The following MS4A8 variants were observed in gnomAD, a reference collection of about 807,000 sequenced individuals.
MS4A8 encodes membrane spanning 4-domains A8.
MS4A8 carries 27 observed loss-of-function variants against 23.7 expected under a neutral mutation model. The observed-to-expected ratio is 1.14, with a 90% CI of 0.84 to 1.57. MS4A8 has a LOEUF of 1.57. Ranked by LOEUF, MS4A8 falls within the 40% of genes most tolerant of loss-of-function variation. The probability of loss-of-function intolerance (pLI) is 0.00; values close to 1 mark genes in which losing one functional copy is unlikely to be tolerated. For missense variants in MS4A8, 301 were observed against 311.4 expected (o/e 0.97, Z 0.25); for synonymous variants, 138 against 126.3 (o/e 1.09, Z -0.62).
intron 5 of MS4A8, chr11:60,712,623 A>C (rs1363649497): frequency 1.6e-5 from 6 of 384,798 alleles, no homozygotes. Context: ...GCGAAATCCC[A>C]TCTATACAAA....
chr11:60,708,697 A>G lies in MS4A8; in HGVS notation c.450A>G (p.Ala150=), dbSNP rs1404460583. The G allele has an allele frequency of 6.2e-7, 1 of 1,601,094 alleles. No individual in the cohort carries two copies. The highest frequency in any genetic ancestry group is 1.7e-5 in the Admixed American group (1 of 57,866). The change falls in exon 5 of 7, where the codon GCA becomes GCG. Residue 150 remains alanine (A), a synonymous_variant. Transcript: ENST00000300226. ...ACATCGTCAGTGCAATCTGCTCTGCAGTTGGAGTCATACTCTTCATCACAG... is the reference window on the plus strand; with the variant it reads ...ACATCGTCAGTGCAATCTGCTCTGCGGTTGGAGTCATACTCTTCATCACAG... The part of the protein sequence containing the change: ...GLNIVSAICS[A]VGVILFITDL...
intron 5 of MS4A8, among the ~76,000 whole-genome samples, chr11:60,713,008 G>C (rs540173542): frequency 2.6e-3 from 391 of 152,130 alleles, no homozygotes; most frequent in South Asian, 0.015. Flanking sequence ...GCAAATGGAG[G>C]GTTTCTATTT....
chr11:60,714,409 T>C (rs994618379), intron 5 of MS4A8, among the ~76,000 whole-genome samples: 18 of 152,162 alleles, frequency 1.2e-4, no homozygotes, highest in African/African-American at 4.1e-4. Flanking sequence ...CAGAACAAAA[T>C]GGAGTCTCCT....
intron 2 of MS4A8, among the ~76,000 whole-genome samples, chr11:60,702,514 C>T (rs1009023812): frequency 6.6e-6 from 1 of 152,184 alleles, no homozygotes; most frequent in Non-Finnish European, 1.5e-5. Context: ...GCGATTCTCC[C>T]GCCTCAGCCT....
intron 2 of MS4A8, among the ~76,000 whole-genome samples, chr11:60,701,929 C>A (rs572551220): frequency 1.3e-5 from 2 of 152,240 alleles, no homozygotes; most frequent in South Asian, 4.1e-4. Flanking sequence ...AACAAGAAAG[C>A]TCTTTGTGTA....
intron 3 of MS4A8, among the ~76,000 whole-genome samples, chr11:60,704,311 AGATTTCACCAC>A (rs1241340418): frequency 6.6e-6 from 1 of 151,686 alleles, no homozygotes; most frequent in African/African-American, 2.4e-5. Context: ...AGTAGTGACA[AGATTTCACCAC>A]GTTGGCCAGG....
chr11:60,700,325 C>T lies in MS4A8; in HGVS notation c.-1-535C>T, dbSNP rs188139952. On this transcript the variant is annotated intron_variant, in intron 1 of 6. Transcript: ENST00000300226. ...CTTTGGGAGGCCGAGGCAAGCGGAT[C>T]GCCTGAGGTCAGGAGTTCGAGACCA... is the stretch of plus-strand genomic sequence containing the variant. Among the ~76,000 whole-genome samples the T allele has an allele frequency of 6.3e-3, 952 of 152,284 alleles. 3 individuals are homozygous for T. The highest frequency in any genetic ancestry group is 8.5e-3 in the Non-Finnish European group (579 of 68,034).
intron 5 of MS4A8, among the ~76,000 whole-genome samples, chr11:60,712,958 C>T (rs1355638896): frequency 3.3e-5 from 5 of 152,120 alleles, no homozygotes; most frequent in African/African-American, 1.2e-4. Context: ...TTCCCAGATA[C>T]ACTGGAAGAC....
At chr11:60,708,868 A>C in intron 5 of MS4A8, 87 bp downstream of exon 5, 1 of 1,493,850 alleles carries the variant, frequency 6.7e-7, no homozygotes, top group Non-Finnish European at 9.3e-7. Context: ...CAACCAAGCT[A>C]CCTCACTGAA....
At chr11:60,711,121 A>C (rs1055703965) in intron 5 of MS4A8, among the ~76,000 whole-genome samples, 9 of 152,230 alleles carry the variant, frequency 5.9e-5, no homozygotes, top group Admixed American at 3.9e-4. Flanking sequence ...GCCTGTCCCT[A>C]GAATGAGATT....
intron 2 of MS4A8, chr11:60,701,439 C>T (rs933328951): frequency 2.5e-6 from 1 of 398,228 alleles, no homozygotes; most frequent in South Asian, 1.9e-5. Context: ...CCAATAAGAT[C>T]GAATCAAATA....
chr11:60,708,829 C>T, intron 5 of MS4A8, 48 bp downstream of exon 5: 1 of 1,607,852 alleles, frequency 6.2e-7, no homozygotes, highest in Non-Finnish European at 8.5e-7. Flanking sequence ...GAATTAGCTA[C>T]ATTTAGAAAA....
intron 5 of MS4A8, chr11:60,712,518 T>A: frequency 2.1e-6 from 2 of 936,244 alleles, no homozygotes; most frequent in Non-Finnish European, 2.5e-6. Flanking sequence ...TTGAGGCCGG[T>A]CACGGTGGCT....
intron 2 of MS4A8, among the ~76,000 whole-genome samples, chr11:60,702,442 A>T (rs780186181): frequency 6.6e-6 from 1 of 152,194 alleles, no homozygotes; most frequent in Non-Finnish European, 1.5e-5. Context: ...TCACTCTGTC[A>T]CCCAGGCTGG....
chr11:60,713,179 G>C lies in MS4A8; in HGVS notation c.535-1842G>C, dbSNP rs189249510. 1.3e-4 allele frequency among the ~76,000 whole-genome samples: 19 copies of C among 149,794 alleles called. No individual in the cohort carries two copies. The East Asian group carries it at 3.7e-3, about 29-fold the overall frequency. ...TTCAGAGGCTGACATTTTCCCAAAG[G>C]TTCAGATGAAGGGGTGGGTTGCCCC... On this transcript the variant is annotated intron_variant, in intron 5 of 6. Transcript: ENST00000300226.
rs2088199223 is a variant in MS4A8, at chr11:60,701,004, G to A, written c.144G>A (p.Gly48=). Residue 48 remains glycine (G), a synonymous_variant, in exon 2 of 7, where the codon GGG becomes GGA. Transcript: ENST00000300226. ...NSQPQVHLVP[G]NPPSLVSNVN... is the part of the protein sequence containing the mutation. Reference sequence around the variant, plus strand: ...AGCCGCAAGTCCACCTAGTTCCTGGGAACCCACCTAGTTTGGTGTCGAATG... The same window carrying A: ...AGCCGCAAGTCCACCTAGTTCCTGGAAACCCACCTAGTTTGGTGTCGAATG... 5 of 1,614,186 alleles carry A rather than the reference G, an allele frequency of 3.1e-6. No homozygotes were observed. The East Asian group carries it at 1.1e-4, about 36-fold the overall frequency.
intron 2 of MS4A8, 119 bp downstream of exon 2, chr11:60,701,198 G>A (rs1340623605): frequency 1.1e-5 from 10 of 917,954 alleles, no homozygotes; most frequent in Middle Eastern, 2.1e-4. Flanking sequence ...AGTTGATCGC[G>A]CCTTGCCAAG....
intron 4 of MS4A8, among the ~76,000 whole-genome samples, chr11:60,708,020 G>A (rs1293438829): frequency 6.6e-6 from 1 of 151,308 alleles, no homozygotes; most frequent in Admixed American, 6.6e-5. Context: ...TGTATTTTTT[G>A]GTATTTTGGT....
intron 4 of MS4A8, among the ~76,000 whole-genome samples, chr11:60,707,999 ATTGTATTTT>A (rs887837365): frequency 1.9e-3 from 285 of 151,186 alleles, no homozygotes; most frequent in African/African-American, 6.7e-3. Flanking sequence ...CCAGCTAATT[ATTGTATTTT>A]TTGTATTTTT....
Sources: allele counts gnomAD v4.1 joint callset (sites outside exome capture counted in the v4.1 genomes callset), GRCh38; gene constraint gnomAD v4.1.1; transcripts MANE v1.5; gene names NCBI Gene and HGNC (gene_info 2026-07-23, HGNC 2026-07-21).